The following ARID4A variants were observed in gnomAD, a reference collection of about 807,000 sequenced individuals.
ARID4A encodes AT-rich interaction domain 4A.
In ARID4A, 39 loss-of-function variants were observed where a neutral mutation model predicts 148.6. The ratio of observed to expected loss-of-function variants is 0.26; its 90% CI spans 0.20 to 0.34. The LOEUF (loss-of-function observed/expected upper bound fraction) is 0.34, where lower values mean the gene tolerates loss of function less well. Ranked by LOEUF, ARID4A falls within the 10% of genes least tolerant of loss-of-function variation. ARID4A has a pLI of 1.00. For missense variants in ARID4A, 1,265 were observed against 1,449.1 expected, an observed-to-expected ratio of 0.87 and a Z score of 2.06; for synonymous variants, 475 against 481.2, an observed-to-expected ratio of 0.99 and a Z score of 0.17.
chr14:58,367,054 C>G (rs1377065076), intron 23 of ARID4A, 25 bp downstream of exon 23: 1 of 1,402,190 alleles, frequency 7.1e-7, no homozygotes, highest in Non-Finnish European at 9.3e-7. Context: ...ATTTTTCTCC[C>G]CTTATATTTC....
At chr14:58,327,351 A>C (rs1375558649) in intron 8 of ARID4A, among the ~76,000 whole-genome samples, 1 of 152,214 alleles carries the variant, frequency 6.6e-6, no homozygotes, top group Non-Finnish European at 1.5e-5. Context: ...CTTTTAAAAA[A>C]TATAAAGTTC....
At chr14:58,365,487 T>TTAAAAA in intron 20 of ARID4A, 31 bp from the exon 21 acceptor site, 1 of 1,266,258 alleles carries the variant, frequency 7.9e-7, no homozygotes, top group Non-Finnish European at 1.1e-6. Flanking sequence ...TTTTTTTTTT[T>TTAAAAA]TTCAACATTC....
intron 8 of ARID4A, among the ~76,000 whole-genome samples, chr14:58,325,176 T>A (rs1454711903): frequency 6.6e-6 from 1 of 152,218 alleles, no homozygotes; most frequent in African/African-American, 2.4e-5. Context: ...CTTCTCTTCC[T>A]ACTCCTTTAC....
At chr14:58,366,662 G>A (rs565840412) in intron 22 of ARID4A, among the ~76,000 whole-genome samples, 12 of 152,274 alleles carry the variant, frequency 7.9e-5, no homozygotes, top group African/African-American at 2.9e-4. Flanking sequence ...GATCATTTAA[G>A]TAATAAATGT....
Position 58,299,317 on chromosome 14 carries a change from G to C in ARID4A, c.-57-481G>C, listed in dbSNP as rs1321912258. ...CCTTTCTGACATGGTGCAGAGCGAA[G>C]GAAGGAGAGCAATGGCGCCGTGACA... On this transcript the variant is annotated intron_variant, in intron 1 of 23. Transcript: ENST00000355431. 3.2e-5 allele frequency: 5 copies of C among 153,864 alleles called. No individual in the cohort carries two copies. The East Asian group carries it at 9.6e-4, about 30-fold the overall frequency. The allele number at this position is 153,864 out of a possible 1,614,324, so 9.5% of individuals were successfully genotyped here. A position where few individuals can be genotyped will look rare whatever the true frequency, so the allele number is the denominator to read the frequency against.
At position 58,298,664 on chromosome 14, in the gene ARID4A, ACT is replaced by A. The variant is rs2030775537; in HGVS notation, c.-91_-90del. The stretch of plus-strand genomic sequence containing the variant: ...CCCACGGAGGTCAGAGGGGAGGAGG[ACT>A]CTGGAGCTGACAGCGCGCACTTCAC... On this transcript the variant is annotated 5_prime_UTR_variant, in exon 1 of 24. Coordinates refer to ENST00000355431, the MANE Select transcript of ARID4A (RefSeq NM_002892.4). The A allele has an allele frequency of 6.6e-6, 1 of 152,300 alleles. No individual in the cohort carries two copies. Among genetic ancestry groups the A allele is most frequent in the Admixed American group, 6.6e-5 (1 of 15,256 alleles). The allele number at this position is 152,300 out of a possible 1,614,324, so 9.4% of individuals were successfully genotyped here. A position where few individuals can be genotyped will look rare whatever the true frequency, so the allele number is the denominator to read the frequency against.
Position 58,331,014 on chromosome 14 carries a change from T to A in ARID4A, c.906+845T>A, listed in dbSNP as rs17094462. 8.7e-3 allele frequency among the ~76,000 whole-genome samples: 1,332 copies of A among 152,308 alleles called. 17 individuals carry two copies. Among genetic ancestry groups the A allele is most frequent in the African/African-American group, 0.03 (1,257 of 41,558 alleles). ...GGGACCTATTTGAGCATGAAAAATA[T>A]TGGCCTGGAAAAATGTGGGATTCTT... On this transcript the variant is annotated intron_variant, in intron 11 of 23. Transcript: ENST00000355431.
chr14:58,366,444 G>T (rs61974511), intron 22 of ARID4A, among the ~76,000 whole-genome samples: 2,189 of 152,236 alleles, frequency 0.014, 19 homozygotes, highest in Non-Finnish European at 0.023. Context: ...TTACAGGAAG[G>T]TCTCCATTAA....
At chr14:58,323,273 G>A (rs1251133131) in intron 7 of ARID4A, among the ~76,000 whole-genome samples, 3 of 152,112 alleles carry the variant, frequency 2.0e-5, no homozygotes, top group South Asian at 2.1e-4. Flanking sequence ...TTGATCTGGC[G>A]AAGTGGACTC....
In ARID4A at chr14:58,347,105, C is replaced by T; in HGVS notation, c.1160C>T (p.Thr387Ile). 6.4e-7 allele frequency: 1 copy of T among 1,558,788 alleles called. No individual in the cohort carries two copies. The highest frequency in any genetic ancestry group is 8.7e-7 in the Non-Finnish European group (1 of 1,147,950). Residue 387 changes from threonine (T) to isoleucine (I), a missense_variant, in exon 14 of 24, where the codon ACT (threonine) becomes ATT (isoleucine). Thr to Ile is a moderately conservative substitution (Grantham distance 89). Transcript: ENST00000355431. ...TCAGCTGCTTCCTACAATGTAAAAA[C>T]TGCTTATAGAAAGTAAGTAGTATAG... ...LNSAASYNVK[T>I]AYRKYLYGFE...
intron 11 of ARID4A, among the ~76,000 whole-genome samples, chr14:58,337,245 T>TACA (rs58542879): frequency 8.4e-6 from 1 of 118,682 alleles, no homozygotes; most frequent in African/African-American, 3.4e-5. Context: ...CTTCTCTTTA[T>TACA]TTATATATAT....
At chr14:58,369,902 G>GAAAGCTCCAGAAGGGA (rs2035530038) in intron 23 of ARID4A, 2 of 152,214 alleles carry the variant, frequency 1.3e-5, no homozygotes, top group Admixed American at 1.3e-4. Context: ...AACAGGAGGG[G>GAAAGCTCCAGAAGGGA]AAAGCTCCAG....
intron 5 of ARID4A, among the ~76,000 whole-genome samples, chr14:58,312,871 A>G (rs866079129): frequency 1.8e-4 from 27 of 152,244 alleles, no homozygotes; most frequent in Admixed American, 3.9e-4. Context: ...TAGAAGCTTA[A>G]TAAGTGATAG....
chr14:58,303,031 T>C (rs1190809289), intron 3 of ARID4A, among the ~76,000 whole-genome samples: 1 of 152,140 alleles, frequency 6.6e-6, no homozygotes, highest in African/African-American at 2.4e-5. Flanking sequence ...CTGCCAGTAA[T>C]TTTCTTATAT....
chr14:58,337,224 T>A lies in ARID4A; in HGVS notation c.906+7055T>A, dbSNP rs1210494442. 1.4e-4 allele frequency among the ~76,000 whole-genome samples: 12 copies of A among 83,318 alleles called. No individual in the cohort carries two copies. In the Admixed American group the frequency reaches 1.6e-3, roughly 11 times the overall value. The allele number at this position is 83,318 out of a possible 152,430, so 54.7% of individuals were successfully genotyped here. A position where few individuals can be genotyped will look rare whatever the true frequency, so the allele number is the denominator to read the frequency against. ...GAACTTTCTAGAACCTTACAACAAA[T>A]CTCCTAGAACCTTCTCTTTATTTAT... is the stretch of plus-strand genomic sequence containing the variant. On this transcript the variant is annotated intron_variant, in intron 11 of 23. Coordinates refer to ENST00000355431, the MANE Select transcript of ARID4A (RefSeq NM_002892.4).
intron 7 of ARID4A, among the ~76,000 whole-genome samples, chr14:58,320,962 AAT>A (rs1384690976): frequency 6.6e-6 from 1 of 152,074 alleles, no homozygotes; most frequent in African/African-American, 2.4e-5. Flanking sequence ...CCTGTTCCCT[AAT>A]ATGTTGGATT....
chr14:58,366,746 C>G, intron 22 of ARID4A, 137 bp from the exon 23 acceptor site: 1 of 599,164 alleles, frequency 1.7e-6, no homozygotes, highest in Non-Finnish European at 2.7e-6. Context: ...TGTTTTCAGT[C>G]TTATTCAGCT....
At chr14:58,347,254 CT>C in intron 14 of ARID4A, 137 bp downstream of exon 14, 1 of 488,106 alleles carries the variant, frequency 2.0e-6, no homozygotes, top group Non-Finnish European at 3.5e-6. Flanking sequence ...TTGACAGATA[CT>C]TGTGATTGAA....
At chr14:58,329,752 G>T (rs1180353610) in intron 10 of ARID4A, 148 bp downstream of exon 10, 2 of 951,232 alleles carry the variant, frequency 2.1e-6, no homozygotes, top group Non-Finnish European at 3.1e-6. Flanking sequence ...TTAATGTCTA[G>T]ATACAATATT....
Sources: allele counts gnomAD v4.1 joint callset (sites outside exome capture counted in the v4.1 genomes callset), GRCh38; gene constraint gnomAD v4.1.1; transcripts MANE v1.5; gene names NCBI Gene and HGNC (gene_info 2026-07-23, HGNC 2026-07-21).